The following TBXAS1 variants were observed in gnomAD, a reference collection of about 807,000 sequenced individuals.
The protein encoded by TBXAS1 is thromboxane-A synthase.
A neutral mutation model predicts 60.7 loss-of-function variants in TBXAS1; 48 were observed. The ratio of observed to expected loss-of-function variants is 0.79; its 90% CI spans 0.63 to 1.01. The LOEUF is 1.01. Among genes scored for constraint, TBXAS1 ranks in the 50% least tolerant of loss-of-function variants. The probability of loss-of-function intolerance (pLI) is 0.00; values close to 1 mark genes in which losing one functional copy is unlikely to be tolerated. For synonymous variants in TBXAS1, 287 were observed against 269.7 expected (o/e 1.06, Z -0.63); for missense variants, 685 against 686.3 (o/e 1.00, Z 0.02).
At chr7:139,836,140 A>G (rs1203887762) in intron 1 of TBXAS1, among the ~76,000 whole-genome samples, 3 of 152,094 alleles carry the variant, frequency 2.0e-5, no homozygotes, top group African/African-American at 7.2e-5. Flanking sequence ...AGGGAAAACT[A>G]CAAAATGCTG....
intron 3 of TBXAS1, among the ~76,000 whole-genome samples, chr7:139,903,716 T>C (rs1284841598): frequency 6.6e-6 from 1 of 152,122 alleles, no homozygotes; most frequent in African/African-American, 2.4e-5. Context: ...TGCTGAGCAT[T>C]TTTTCATTTG....
At chr7:139,959,695 G>A (rs989648334) in intron 8 of TBXAS1, among the ~76,000 whole-genome samples, 5 of 152,094 alleles carry the variant, frequency 3.3e-5, no homozygotes, top group South Asian at 2.1e-4. Flanking sequence ...AAAAATACCC[G>A]GTGTAGAGGT....
At chr7:139,814,978 C>T (rs1466142262) in intron 4 of TBXAS1, among the ~76,000 whole-genome samples, 1 of 152,172 alleles carries the variant, frequency 6.6e-6, no homozygotes. Flanking sequence ...TAAGGGTGTT[C>T]TACAAGTGTT....
At chr7:139,827,673 T>C (rs551161489), upstream of TBXAS1, among the ~76,000 whole-genome samples, 9 of 152,358 alleles carry the variant, frequency 5.9e-5, no homozygotes, top group Non-Finnish European at 8.8e-5. Flanking sequence ...TAGTGGTGGC[T>C]TGGTAATGAC....
intron 1 of TBXAS1, among the ~76,000 whole-genome samples, chr7:139,845,823 GTTTT>G (rs11330197): frequency 1.5e-5 from 2 of 130,226 alleles, no homozygotes; most frequent in Admixed American, 7.9e-5. Context: ...TTGAACTCTA[GTTTT>G]TTTTTTTTTT....
chr7:139,837,969 G>T (rs1012378037), intron 1 of TBXAS1, among the ~76,000 whole-genome samples: 1 of 152,172 alleles, frequency 6.6e-6, no homozygotes, highest in African/African-American at 2.4e-5. Context: ...GGGATGCTCT[G>T]CTAGCATGTG....
At chr7:139,813,686 A>G (rs1351815126) in intron 4 of TBXAS1, among the ~76,000 whole-genome samples, 1 of 152,104 alleles carries the variant, frequency 6.6e-6, no homozygotes, top group Non-Finnish European at 1.5e-5. Context: ...GAACTCAGCA[A>G]CTCTAGAACA....
intron 1 of TBXAS1, among the ~76,000 whole-genome samples, chr7:139,864,882 T>C (rs1266900529): frequency 6.6e-6 from 1 of 152,206 alleles, no homozygotes; most frequent in Non-Finnish European, 1.5e-5. Flanking sequence ...CCTCTCATTG[T>C]AGAATCTGGC....
intron 10 of TBXAS1, among the ~76,000 whole-genome samples, chr7:140,009,229 A>G (rs1021719375): frequency 3.3e-5 from 5 of 152,198 alleles, no homozygotes; most frequent in African/African-American, 1.2e-4. Context: ...CCAGACAGAA[A>G]CTAGAGAACC....
chr7:139,806,880 T>C (rs1194700900), intron 4 of TBXAS1, among the ~76,000 whole-genome samples: 1 of 152,198 alleles, frequency 6.6e-6, no homozygotes, highest in Non-Finnish European at 1.5e-5. Context: ...TGGTGTGTGG[T>C]CCCTGGCCTC....
At chr7:139,966,410 C>T (rs1268315428) in intron 9 of TBXAS1, among the ~76,000 whole-genome samples, 2 of 152,004 alleles carry the variant, frequency 1.3e-5, no homozygotes, top group Non-Finnish European at 2.9e-5. Context: ...CTGAAAACTC[C>T]AGAGGGCAGA....
chr7:139,904,989 C>CTCTT (rs1272097952), intron 3 of TBXAS1, among the ~76,000 whole-genome samples: 1 of 128,718 alleles, frequency 7.8e-6, no homozygotes, highest in Non-Finnish European at 1.6e-5. Flanking sequence ...TTCTCTTTCT[C>CTCTT]TCTTTCTCTC....
chr7:139,791,568 A>C (rs1487411401), intron 4 of TBXAS1, among the ~76,000 whole-genome samples: 5 of 152,230 alleles, frequency 3.3e-5, no homozygotes, highest in African/African-American at 7.2e-5. Context: ...GCCAAGGGGA[A>C]GTGTCCGTGA....
chr7:139,805,777 T>C (rs1475316071), intron 4 of TBXAS1, among the ~76,000 whole-genome samples: 1 of 147,912 alleles, frequency 6.8e-6, no homozygotes, highest in African/African-American at 2.5e-5. Flanking sequence ...CTTTCTTCTT[T>C]TTTTTTTTTG....
chr7:139,819,738 A>G (rs1798246708), intron 4 of TBXAS1, among the ~76,000 whole-genome samples: 1 of 151,976 alleles, frequency 6.6e-6, no homozygotes. Flanking sequence ...CCTGACCTCA[A>G]GTGATCCACC....
chr7:139,828,591 A>T (rs10262064), upstream of TBXAS1, among the ~76,000 whole-genome samples: 9,897 of 152,216 alleles, frequency 0.065, 1,068 homozygotes, highest in African/African-American at 0.23. Context: ...CTCTGTCTGA[A>T]GCTGCAATCT....
intron 4 of TBXAS1, among the ~76,000 whole-genome samples, chr7:139,805,679 T>A: frequency 3.4e-5 from 1 of 29,054 alleles, no homozygotes; most frequent in Non-Finnish European, 6.3e-5. Context: ...TCTTTCTTTC[T>A]TTCTTTCTTT....
intron 9 of TBXAS1, among the ~76,000 whole-genome samples, chr7:139,993,602 C>T (rs559435221): frequency 6.6e-6 from 1 of 152,276 alleles, no homozygotes; most frequent in East Asian, 1.9e-4. Context: ...AAGCATGCTC[C>T]ACAATTTCTT....
intron 1 of TBXAS1, among the ~76,000 whole-genome samples, chr7:139,868,781 C>T (rs539591163): frequency 5.9e-5 from 9 of 151,366 alleles, no homozygotes; most frequent in Non-Finnish European, 8.8e-5. Context: ...CTTAGCCTCC[C>T]GAGTAGTTGG....
Sources: allele counts gnomAD v4.1 joint callset (sites outside exome capture counted in the v4.1 genomes callset), GRCh38; gene constraint gnomAD v4.1.1; transcripts MANE v1.5; gene names NCBI Gene and HGNC (gene_info 2026-07-23, HGNC 2026-07-21).